Variants in TMCO5A observed in about 807,000 individuals in gnomAD.
TMCO5A encodes the protein transmembrane and coiled-coil domain-containing protein 5A.
Under a neutral mutation model 42.3 loss-of-function variants are expected in TMCO5A, and 34 were observed. The observed-to-expected ratio is 0.80, with a 90% CI of 0.61 to 1.07. The LOEUF is 1.07. TMCO5A is among the 50% of genes least tolerant of loss of function. The pLI, the probability that TMCO5A is intolerant of heterozygous loss-of-function variation, is 0.00. For synonymous variants in TMCO5A, 131 were observed against 115.6 expected, an observed-to-expected ratio of 1.13 and a Z score of -0.86; for missense variants, 357 against 327.9, an observed-to-expected ratio of 1.09 and a Z score of -0.69.
chr15:37,951,782 C>G (rs181712618), downstream of TMCO5A, among the ~76,000 whole-genome samples: 8 of 152,184 alleles, frequency 5.3e-5, no homozygotes, highest in East Asian at 1.5e-3. Flanking sequence ...AAAGAAAGCA[C>G]CTTTTTAAGA....
the TMCO5A span, among the ~76,000 whole-genome samples, chr15:38,018,189 G>A: frequency 3.9e-5 from 6 of 152,118 alleles, no homozygotes; most frequent in Admixed American, 6.6e-5. Flanking sequence ...TGATACCATC[G>A]TTAATCAAGG....
rs116240366 is a variant in TMCO5A at position 37,943,259 on chromosome 15, A to G, written c.570-82A>G. ...TGGACAGTACAGATTTAGAATATAA[A>G]GCTTTTTTAAAATAACCATAGTGTA... On this transcript the variant is annotated intron_variant, in intron 9 of 11. Coordinates refer to ENST00000319669, the MANE Select transcript of TMCO5A (RefSeq NM_152453.4). The G allele has an allele frequency of 3.4e-3, 4,580 of 1,327,682 alleles. 140 individuals are homozygous for G. The African/African-American group carries it at 0.057, about 17-fold the overall frequency. 82.2% of individuals were successfully genotyped at this position (1,327,682 alleles called of 1,614,324 possible). A position where few individuals can be genotyped will look rare whatever the true frequency, so the allele number is the denominator to read the frequency against.
At chr15:37,936,603 C>A in intron 3 of TMCO5A, 140 bp downstream of exon 3, 3 of 1,153,974 alleles carry the variant, frequency 2.6e-6, no homozygotes, top group Non-Finnish European at 3.6e-6. Flanking sequence ...TTTGACATTT[C>A]TCTTGAACAC....
the TMCO5A span, among the ~76,000 whole-genome samples, chr15:37,991,432 G>A: frequency 6.6e-6 from 1 of 151,980 alleles, no homozygotes; most frequent in Middle Eastern, 3.2e-3. Flanking sequence ...CTCAGTGTGG[G>A]CCTCTTTGAG....
At chr15:37,946,931 A>T (rs886145019) in intron 10 of TMCO5A, among the ~76,000 whole-genome samples, 3 of 152,194 alleles carry the variant, frequency 2.0e-5, no homozygotes, top group African/African-American at 7.2e-5. Context: ...GTCTTGTGCC[A>T]GTTTTCAAGG....
rs912853735 is a variant in TMCO5A, at chr15:37,962,396, T to C, written c.669-4229T>C. Among the ~76,000 whole-genome samples, 4 of 152,182 alleles carry C rather than the reference T, an allele frequency of 2.6e-5. No homozygotes were observed. The South Asian group carries it at 8.3e-4, about 31-fold the overall frequency. ...CATCCCTGGTATGAAACCCACTTGA[T>C]CATGATGGATTATCTTTTTGATATG... On this transcript the variant is annotated intron_variant, in intron 11 of 11. Transcript: ENST00000559502.
intron 6 of TMCO5A, among the ~76,000 whole-genome samples, chr15:37,939,755 G>A (rs1324714571): frequency 6.6e-6 from 1 of 152,062 alleles, no homozygotes; most frequent in African/African-American, 2.4e-5. Flanking sequence ...CCTCTGGCAT[G>A]CTAGTAATCA....
chr15:38,020,704 C>G, the TMCO5A span, among the ~76,000 whole-genome samples: 1 of 152,124 alleles, frequency 6.6e-6, no homozygotes, highest in Non-Finnish European at 1.5e-5. Flanking sequence ...CAAAGCATCA[C>G]ATTAAACATC....
chr15:38,007,119 G>A, the TMCO5A span, among the ~76,000 whole-genome samples: 1 of 152,094 alleles, frequency 6.6e-6, no homozygotes, highest in African/African-American at 2.4e-5. Flanking sequence ...CTTAGCTTGT[G>A]GGCTATATAC....
In TMCO5A at chr15:37,940,667, C is replaced by A. The variant is rs141772301; in HGVS notation, c.388-482C>A. ...GGTCCATCCTGTCTACTACTGTATC[C>A]TAAGTACTACCCCCTGCCACCTGAT... On this transcript the variant is annotated intron_variant, in intron 6 of 11. Transcript: ENST00000319669. 1.7e-3 allele frequency among the ~76,000 whole-genome samples: 258 copies of A among 152,188 alleles called. 5 individuals are homozygous for A. Among genetic ancestry groups the A allele is most frequent in the African/African-American group, 5.8e-3 (242 of 41,548 alleles).
chr15:38,014,876 T>TATAC, the TMCO5A span, among the ~76,000 whole-genome samples: 1 of 120,174 alleles, frequency 8.3e-6, no homozygotes. Context: ...TATATATATA[T>TATAC]ATATATATAT....
the TMCO5A span, among the ~76,000 whole-genome samples, chr15:38,005,273 A>T: frequency 6.6e-6 from 1 of 150,984 alleles, no homozygotes; most frequent in South Asian, 2.1e-4. Context: ...AGAAAAAAAA[A>T]AAAAAAAAAA....
Position 37,938,247 on chromosome 15 carries a change from T to A in TMCO5A, c.387+18T>A. 1 of 1,552,374 alleles carries A rather than the reference T, an allele frequency of 6.4e-7. No individual in the cohort carries two copies. The highest frequency in any genetic ancestry group is 8.7e-7 in the Non-Finnish European group (1 of 1,145,686). On this transcript the variant is annotated intron_variant, in intron 6 of 11. Coordinates refer to ENST00000319669, the MANE Select transcript of TMCO5A (RefSeq NM_152453.4). ...AGACAAAGGTAAATGAAAAAAACAA[T>A]CCTAAATGTGGTTGGGCTATGTAAC...
chr15:37,937,789 T>C (rs1889574482), intron 5 of TMCO5A, among the ~76,000 whole-genome samples: 1 of 152,150 alleles, frequency 6.6e-6, no homozygotes, highest in East Asian at 1.9e-4. Flanking sequence ...TCCTTTTTCT[T>C]GTCTAGCCAT....
the TMCO5A span, among the ~76,000 whole-genome samples, chr15:38,016,236 GTC>G: frequency 6.6e-6 from 1 of 152,058 alleles, no homozygotes; most frequent in Admixed American, 6.6e-5. Flanking sequence ...AAAAAATAAA[GTC>G]TATTTTTTAA....
chr15:38,033,968 G>A, the TMCO5A span, among the ~76,000 whole-genome samples: 47 of 152,264 alleles, frequency 3.1e-4, no homozygotes, highest in South Asian at 8.5e-3. Flanking sequence ...CCAAGACAAA[G>A]TAGTTTATTA....
chr15:37,998,427 G>A, the TMCO5A span, among the ~76,000 whole-genome samples: 1 of 152,116 alleles, frequency 6.6e-6, no homozygotes, highest in African/African-American at 2.4e-5. Context: ...TGGATATCCA[G>A]TTTTCCCAGC....
intron 11 of TMCO5A, among the ~76,000 whole-genome samples, chr15:37,948,958 A>G (rs1187460461): frequency 6.6e-6 from 1 of 152,038 alleles, no homozygotes; most frequent in Non-Finnish European, 1.5e-5. Context: ...GATCAACCAT[A>G]GCAGCAAACT....
At chr15:37,966,724 T>C in exon 12 of TMCO5A, 1 of 702,666 alleles carries the variant, frequency 1.4e-6, no homozygotes, top group South Asian at 1.5e-5. Flanking sequence ...TTCCAACAGG[T>C]TCAGCAGTAA....
Sources: gnomAD v4.1 joint callset for allele counts (sites outside exome capture counted in the v4.1 genomes callset) on GRCh38, gnomAD v4.1.1 for gene constraint, MANE v1.5 for transcripts, NCBI Gene and HGNC (gene_info 2026-07-23, HGNC 2026-07-21) for gene names.